Variants in SPOCK1 observed in about 807,000 individuals in gnomAD.
SPOCK1 encodes the protein testican-1.
SPOCK1 carries 23 observed loss-of-function variants against 55.3 expected under a neutral mutation model. The ratio of observed to expected loss-of-function variants is 0.42; its 90% confidence interval spans 0.30 to 0.59. The LOEUF is 0.59. Ranked by LOEUF, SPOCK1 falls within the 20% of genes least tolerant of loss-of-function variation. The pLI is 0.22. For synonymous variants in SPOCK1, 226 were observed against 221.0 expected (o/e 1.02, Z -0.20); for missense variants, 499 against 552.5 (o/e 0.90, Z 0.97).
intron 6 of SPOCK1, among the ~76,000 whole-genome samples, chr5:137,059,025 A>G (rs557332350): frequency 3.7e-5 from 5 of 136,702 alleles, no homozygotes; most frequent in South Asian, 4.7e-4. Context: ...AGGGGACTAC[A>G]TAATCTGATT....
At chr5:137,372,762 G>C (rs185869930) in intron 2 of SPOCK1, among the ~76,000 whole-genome samples, 245 of 152,276 alleles carry the variant, frequency 1.6e-3, no homozygotes, top group African/African-American at 5.8e-3. Context: ...AGTGGGAATG[G>C]GTACACACAC....
At chr5:137,242,128 G>A (rs573368644) in intron 3 of SPOCK1, among the ~76,000 whole-genome samples, 3 of 152,280 alleles carry the variant, frequency 2.0e-5, no homozygotes, top group African/African-American at 7.2e-5. Context: ...AGCACTTCAG[G>A]AGTCCGAGGC....
intron 2 of SPOCK1, among the ~76,000 whole-genome samples, chr5:137,268,037 T>C (rs985108981): frequency 6.6e-6 from 1 of 152,250 alleles, no homozygotes; most frequent in Non-Finnish European, 1.5e-5. Context: ...CCTCAATATC[T>C]CTTCTGGTAA....
chr5:137,197,664 G>C (rs1755328959), intron 3 of SPOCK1, among the ~76,000 whole-genome samples: 1 of 152,090 alleles, frequency 6.6e-6, no homozygotes, highest in African/African-American at 2.4e-5. Flanking sequence ...ATTCATCACA[G>C]TAATACATTT....
intron 3 of SPOCK1, among the ~76,000 whole-genome samples, chr5:137,161,349 C>T (rs1342486013): frequency 6.6e-6 from 1 of 151,772 alleles, no homozygotes; most frequent in Non-Finnish European, 1.5e-5. Flanking sequence ...TGAAATGCAG[C>T]AGTAAACCTA....
chr5:137,192,232 CAAAAAAAAAAAAA>C (rs60401497), intron 3 of SPOCK1, among the ~76,000 whole-genome samples: 2 of 68,250 alleles, frequency 2.9e-5, no homozygotes, highest in African/African-American at 5.3e-5. Context: ...GACTCTGTCT[CAAAAAAAAAAAAA>C]AAAAAAAAAA....
chr5:137,374,989 C>A (rs1207525997), intron 2 of SPOCK1, among the ~76,000 whole-genome samples: 1 of 152,114 alleles, frequency 6.6e-6, no homozygotes, highest in Admixed American at 6.6e-5. Flanking sequence ...AAGCCACTCT[C>A]CCCCATCTCA....
At chr5:137,059,343 T>A (rs1752354944) in intron 6 of SPOCK1, among the ~76,000 whole-genome samples, 1 of 152,156 alleles carries the variant, frequency 6.6e-6, no homozygotes, top group Non-Finnish European at 1.5e-5. Flanking sequence ...GTGCAAAACA[T>A]TATGTAGAAT....
intron 3 of SPOCK1, among the ~76,000 whole-genome samples, chr5:137,171,828 C>A (rs11242370): frequency 0.24 from 36,237 of 152,014 alleles, 4,619 homozygotes; most frequent in East Asian, 0.39. Context: ...TCTGAGAGGG[C>A]AACATCAGTA....
At chr5:137,238,520 A>T (rs1250028567) in intron 3 of SPOCK1, among the ~76,000 whole-genome samples, 3 of 35,036 alleles carry the variant, frequency 8.6e-5, no homozygotes, top group African/African-American at 3.1e-4. Context: ...AAAAATTACC[A>T]CATAAAGAAG....
At chr5:137,135,520 T>C (rs1327915219) in intron 4 of SPOCK1, among the ~76,000 whole-genome samples, 1 of 152,198 alleles carries the variant, frequency 6.6e-6, no homozygotes, top group Non-Finnish European at 1.5e-5. Context: ...ATAAAAACCC[T>C]TCTTCCGCAA....
At chr5:137,437,125 T>A (rs1478168108) in intron 2 of SPOCK1, among the ~76,000 whole-genome samples, 1 of 152,190 alleles carries the variant, frequency 6.6e-6, no homozygotes, top group African/African-American at 2.4e-5. Flanking sequence ...CTTAAAATAA[T>A]CACACAACTA....
At chr5:137,165,445 G>T (rs1743196612) in intron 3 of SPOCK1, among the ~76,000 whole-genome samples, 1 of 152,124 alleles carries the variant, frequency 6.6e-6, no homozygotes, top group Admixed American at 6.5e-5. Context: ...CAAGAAGGAT[G>T]GGCACAAACA....
intron 3 of SPOCK1, among the ~76,000 whole-genome samples, chr5:137,237,860 G>A (rs931374476): frequency 6.6e-6 from 1 of 152,178 alleles, no homozygotes. Context: ...GGTTCCAGGG[G>A]TTGCAGATGC....
chr5:137,334,541 C>T (rs927805322), intron 2 of SPOCK1, among the ~76,000 whole-genome samples: 2 of 152,202 alleles, frequency 1.3e-5, no homozygotes, highest in Non-Finnish European at 2.9e-5. Flanking sequence ...TGCTCTGGTG[C>T]TCCACATTCT....
chr5:137,148,549 G>A (rs898479477), intron 3 of SPOCK1, among the ~76,000 whole-genome samples: 4 of 152,116 alleles, frequency 2.6e-5, no homozygotes, highest in East Asian at 1.9e-4. Context: ...TTGAAAGTGT[G>A]ATGGGAGTGG....
chr5:136,988,489 C>G lies in SPOCK1; in HGVS notation c.861G>C (p.Ser287=), dbSNP rs770892032. Residue 287 remains serine (S), a synonymous_variant, in exon 8 of 11, where the codon TCG becomes TCC. Transcript: ENST00000394945. ...GCTTGCCATCCTTGAAGGAGTCACA[C>G]GAGTTGAAAAGAGGCTTGATACAGG... ...YEPCIKPLFN[S]CDSFKDGKLS... 1 of 1,614,104 alleles carries G rather than the reference C, an allele frequency of 6.2e-7. No homozygotes were observed. The highest frequency in any genetic ancestry group is 1.1e-5 in the South Asian group (1 of 91,084).
At chr5:137,100,414 T>C (rs1753239475) in intron 5 of SPOCK1, among the ~76,000 whole-genome samples, 3 of 152,338 alleles carry the variant, frequency 2.0e-5, no homozygotes, top group South Asian at 2.1e-4. Flanking sequence ...ACTAGATAGC[T>C]TCCAGCAGAA....
intron 5 of SPOCK1, among the ~76,000 whole-genome samples, chr5:137,100,103 T>C (rs186791037): frequency 2.0e-5 from 3 of 152,258 alleles, no homozygotes; most frequent in Non-Finnish European, 2.9e-5. Context: ...ACATTTCCAA[T>C]GTGATGGAAT....
Sources: gnomAD v4.1 joint callset for allele counts (sites outside exome capture counted in the v4.1 genomes callset) on GRCh38, gnomAD v4.1.1 for gene constraint, MANE v1.5 for transcripts, NCBI Gene and HGNC (gene_info 2026-07-23, HGNC 2026-07-21) for gene names.